The following DACH1 variants were observed in gnomAD, a reference collection of about 807,000 sequenced individuals.
The protein encoded by DACH1 is dachshund homolog 1.
Under a neutral mutation model 54.2 loss-of-function variants are expected in DACH1, and 12 were observed. The ratio of observed to expected loss-of-function variants is 0.22; its 90% confidence interval spans 0.14 to 0.36. The LOEUF (loss-of-function observed/expected upper bound fraction) is 0.36. Ranked by LOEUF, DACH1 falls within the 10% of genes least tolerant of loss-of-function variation. The pLI, the probability that DACH1 is intolerant of heterozygous loss-of-function variation, is 1.00. For missense variants in DACH1, 805 were observed against 929.8 expected (o/e 0.87, Z 1.75); for synonymous variants, 386 against 366.2 (o/e 1.05, Z -0.62).
chr13:71,777,971 G>A (rs1886133612), intron 1 of DACH1, among the ~76,000 whole-genome samples: 1 of 151,834 alleles, frequency 6.6e-6, no homozygotes, highest in Non-Finnish European at 1.5e-5. Context: ...ACACAAATTA[G>A]CTGGTAGTAA....
At chr13:71,529,183 G>GTTTTTTTTTTTTTTTTT (rs10707603) in intron 6 of DACH1, among the ~76,000 whole-genome samples, 1 of 80,980 alleles carries the variant, frequency 1.2e-5, no homozygotes, top group African/African-American at 4.4e-5. Context: ...TGTGATTTGG[G>GTTTTTTTTTTTTTTTTT]TTTTTTTTTT....
At chr13:71,500,682 T>TA (rs1470545164) in intron 6 of DACH1, among the ~76,000 whole-genome samples, 6 of 152,114 alleles carry the variant, frequency 3.9e-5, no homozygotes, top group Admixed American at 2.0e-4. Flanking sequence ...CATTAAAAGA[T>TA]AAAGTGTCAA....
intron 1 of DACH1, among the ~76,000 whole-genome samples, chr13:71,718,761 A>C (rs1883101192): frequency 6.6e-6 from 1 of 152,024 alleles, no homozygotes; most frequent in Non-Finnish European, 1.5e-5. Flanking sequence ...CCTTCTCTGT[A>C]ATCTCCATCA....
At chr13:71,743,691 T>A (rs978129942) in intron 1 of DACH1, among the ~76,000 whole-genome samples, 21 of 152,210 alleles carry the variant, frequency 1.4e-4, no homozygotes, top group Non-Finnish European at 1.8e-4. Flanking sequence ...TTTAAACAGA[T>A]TTTATGGCTT....
chr13:71,498,657 GA>G (rs57093938), intron 6 of DACH1, among the ~76,000 whole-genome samples: 249 of 23,092 alleles, frequency 0.011, 1 homozygote, highest in African/African-American at 0.013. Flanking sequence ...GGGGAAAGAA[GA>G]AAAAAAAAAA....
intron 1 of DACH1, among the ~76,000 whole-genome samples, chr13:71,738,146 G>T (rs999574480): frequency 1.3e-5 from 2 of 152,276 alleles, no homozygotes; most frequent in African/African-American, 4.8e-5. Flanking sequence ...TTGCATACTT[G>T]CAGGGTTTGA....
chr13:71,584,378 C>T (rs1231020398), intron 3 of DACH1, among the ~76,000 whole-genome samples: 2 of 152,134 alleles, frequency 1.3e-5, no homozygotes, highest in African/African-American at 2.4e-5. Context: ...CTGGAGTATA[C>T]TTTACGCTTA....
At chr13:71,721,404 C>T (rs969475594) in intron 1 of DACH1, among the ~76,000 whole-genome samples, 4 of 152,072 alleles carry the variant, frequency 2.6e-5, no homozygotes, top group African/African-American at 9.7e-5. Context: ...AACATATTTT[C>T]ATCTACTAAG....
intron 2 of DACH1, among the ~76,000 whole-genome samples, chr13:71,659,574 C>A (rs2138648034): frequency 6.6e-6 from 1 of 152,230 alleles, no homozygotes; most frequent in South Asian, 2.1e-4. Context: ...AAAACAGATA[C>A]AAACCAGCTG....
chr13:71,729,583 C>CTGTT (rs991880631), intron 1 of DACH1, among the ~76,000 whole-genome samples: 5 of 152,032 alleles, frequency 3.3e-5, no homozygotes, highest in Admixed American at 3.3e-4. Flanking sequence ...TCCCTTAATA[C>CTGTT]TGTTAAATGT....
intron 1 of DACH1, among the ~76,000 whole-genome samples, chr13:71,826,427 G>C (rs1888382339): frequency 6.6e-6 from 1 of 151,850 alleles, no homozygotes; most frequent in Admixed American, 6.6e-5. Context: ...TATGAGCAAG[G>C]CTGTGATCAT....
chr13:71,739,267 A>G (rs1884284600), intron 1 of DACH1, among the ~76,000 whole-genome samples: 2 of 152,028 alleles, frequency 1.3e-5, no homozygotes, highest in South Asian at 4.1e-4. Flanking sequence ...CAAAAAAAAG[A>G]AAAAAAGAAA....
intron 1 of DACH1, among the ~76,000 whole-genome samples, chr13:71,805,031 A>C (rs1195097801): frequency 2.0e-5 from 3 of 152,158 alleles, no homozygotes; most frequent in African/African-American, 7.2e-5. Context: ...AAATTAAGTA[A>C]ATTTTAAAAT....
chr13:71,719,545 T>C (rs1456454220), intron 1 of DACH1, among the ~76,000 whole-genome samples: 1 of 152,226 alleles, frequency 6.6e-6, no homozygotes, highest in Admixed American at 6.5e-5. Context: ...ACTATCTGTG[T>C]GTATTATTCT....
intron 10 of DACH1, among the ~76,000 whole-genome samples, chr13:71,457,334 T>C (rs1875660785): frequency 6.6e-6 from 1 of 151,986 alleles, no homozygotes; most frequent in African/African-American, 2.4e-5. Context: ...TTGTCATAGA[T>C]AAAATCTGCA....
At chr13:71,476,994 A>T (rs1877577445) in intron 8 of DACH1, among the ~76,000 whole-genome samples, 2 of 149,986 alleles carry the variant, frequency 1.3e-5, no homozygotes, top group South Asian at 4.2e-4. Flanking sequence ...CAACATTTTT[A>T]AAGCAGAATA....
At chr13:71,738,259 G>A (rs1373997926) in intron 1 of DACH1, among the ~76,000 whole-genome samples, 3 of 152,098 alleles carry the variant, frequency 2.0e-5, no homozygotes, top group African/African-American at 7.2e-5. Context: ...AGAAATATAG[G>A]TAAAACAAGG....
At chr13:71,519,882 A>AGTATATATATATATATAT (rs1881443682) in intron 6 of DACH1, among the ~76,000 whole-genome samples, 2 of 35,526 alleles carry the variant, frequency 5.6e-5, no homozygotes. Flanking sequence ...AAACCAAAGT[A>AGTATATATATATATATAT]GTATATATAT....
intron 6 of DACH1, among the ~76,000 whole-genome samples, chr13:71,497,895 C>G (rs199548485): frequency 4.6e-5 from 5 of 108,636 alleles, no homozygotes; most frequent in South Asian, 6.3e-4. Flanking sequence ...CACACACACA[C>G]ACACACAGAT....
Sources: gnomAD v4.1 joint callset for allele counts (sites outside exome capture counted in the v4.1 genomes callset) on GRCh38, gnomAD v4.1.1 for gene constraint, MANE v1.5 for transcripts, NCBI Gene and HGNC (gene_info 2026-07-23, HGNC 2026-07-21) for gene names.